CPS1: variants seen among roughly 807,000 people sequenced by gnomAD.
CPS1 encodes the protein carbamoyl-phosphate synthase [ammonia], mitochondrial.
In CPS1, 109 loss-of-function variants were observed where a neutral mutation model predicts 174.6. The ratio of observed to expected loss-of-function variants is 0.62; its 90% CI spans 0.53 to 0.73. The LOEUF (loss-of-function observed/expected upper bound fraction) is 0.73. Among genes scored for constraint, CPS1 ranks in the 30% least tolerant of loss-of-function variants. CPS1 has a pLI of 0.00. For missense variants in CPS1, 1,689 were observed against 1,821.9 expected (o/e 0.93, Z 1.33); for synonymous variants, 637 against 632.0 (o/e 1.01, Z -0.12).
chr2:210,605,382 A>G (rs1698871944), intron 17 of CPS1, 136 bp downstream of exon 17: 4 of 952,566 alleles, frequency 4.2e-6, no homozygotes, highest in African/African-American at 1.6e-5. Flanking sequence ...TTGGACAAGC[A>G]TAGTATTTTA....
upstream of CPS1, among the ~76,000 whole-genome samples, chr2:210,552,651 C>T (rs1696761153): frequency 6.6e-6 from 1 of 151,696 alleles, no homozygotes; most frequent in Non-Finnish European, 1.5e-5. Context: ...CAATCTGTAG[C>T]AGGTCTTCCC....
At chr2:210,555,080 A>C (rs1396439742), upstream of CPS1, among the ~76,000 whole-genome samples, 1 of 152,046 alleles carries the variant, frequency 6.6e-6, no homozygotes, top group Non-Finnish European at 1.5e-5. Context: ...TTTATGGATG[A>C]AGGCTGAACA....
intron 1 of CPS1, among the ~76,000 whole-genome samples, chr2:210,530,601 T>C (rs1242674440): frequency 2.0e-5 from 3 of 152,018 alleles, no homozygotes; most frequent in Non-Finnish European, 4.4e-5. Flanking sequence ...ATTCCTTAGA[T>C]GAAGAAGCTG....
At chr2:210,604,832 T>C in intron 16 of CPS1, 1 of 413,884 alleles carries the variant, frequency 2.4e-6, no homozygotes, top group Non-Finnish European at 4.5e-6. Context: ...AATTATTTTC[T>C]CTTTTTCCTA....
chr2:210,670,254 TAAG>T lies in CPS1; in HGVS notation c.4101+1973_4101+1975del, dbSNP rs779556813. Among the ~76,000 whole-genome samples, 118 of 152,232 alleles carry T rather than the reference TAAG, an allele frequency of 7.8e-4. 1 individual carries two copies. The Middle Eastern group carries it at 0.017, about 22-fold the overall frequency. ...TAAAGGAACTTAATAAAATTATACT[TAAG>T]AAAATATTTACAGCCATGGCAAAAT... On this transcript the variant is annotated intron_variant, in intron 34 of 37. Coordinates refer to ENST00000233072, the MANE Select transcript of CPS1 (RefSeq NM_001875.5).
chr2:210,547,406 A>T (rs1030823785), intron 1 of CPS1, among the ~76,000 whole-genome samples: 1 of 152,082 alleles, frequency 6.6e-6, no homozygotes, highest in East Asian at 1.9e-4. Context: ...TTTGAGTCTG[A>T]TATTTCAGTT....
intron 29 of CPS1, among the ~76,000 whole-genome samples, chr2:210,654,930 A>T (rs1700661429): frequency 6.6e-6 from 1 of 152,202 alleles, no homozygotes; most frequent in Non-Finnish European, 1.5e-5. Flanking sequence ...GAGTTGAAAC[A>T]CCTTTAGAGA....
At chr2:210,666,312 C>CT (rs1175265738) in intron 33 of CPS1, among the ~76,000 whole-genome samples, 1 of 149,658 alleles carries the variant, frequency 6.7e-6, no homozygotes, top group Non-Finnish European at 1.5e-5. Flanking sequence ...TTTTGCTGTG[C>CT]AGAAGCTCTT....
At chr2:210,565,013 TAA>T (rs1427417083) in intron 1 of CPS1, among the ~76,000 whole-genome samples, 1 of 148,438 alleles carries the variant, frequency 6.7e-6, no homozygotes, top group African/African-American at 2.6e-5. Flanking sequence ...TAAATAAAAA[TAA>T]AAATAAATAA....
chr2:210,529,971 G>A lies in CPS1; in HGVS notation c.4-26748G>A, dbSNP rs188058390. ...AGTCTTCTCTTCTTATGCATTTCAC[G>A]TTTCCTGTAGTAAATTATAGTGAAT... is the stretch of plus-strand genomic sequence containing the variant. On this transcript the variant is annotated intron_variant, in intron 1 of 38. Transcript: ENST00000430249. Among the ~76,000 whole-genome samples, 6 of 151,994 alleles carry A rather than the reference G, an allele frequency of 3.9e-5. No individual in the cohort carries two copies. In the South Asian group the frequency reaches 6.2e-4, roughly 16 times the overall value.
intron 1 of CPS1, among the ~76,000 whole-genome samples, chr2:210,487,899 C>T (rs1297423147): frequency 2.0e-5 from 3 of 152,234 alleles, no homozygotes; most frequent in African/African-American, 7.2e-5. Context: ...CAACACAATA[C>T]TAGAGTTTCA....
intron 29 of CPS1, 42 bp downstream of exon 29, chr2:210,654,144 T>C (rs1700639925): frequency 1.3e-6 from 2 of 1,551,028 alleles, no homozygotes; most frequent in Non-Finnish European, 1.8e-6. Flanking sequence ...TGCCTTCTCA[T>C]CATTTTTTTC....
chr2:210,648,788 C>T (rs1336175232), intron 27 of CPS1, among the ~76,000 whole-genome samples: 1 of 152,026 alleles, frequency 6.6e-6, no homozygotes, highest in Non-Finnish European at 1.5e-5. Flanking sequence ...ATCTCCTTAC[C>T]AAACAGAGAG....
chr2:210,486,040 T>A (rs1395312630), intron 1 of CPS1, among the ~76,000 whole-genome samples: 5 of 150,630 alleles, frequency 3.3e-5, no homozygotes, highest in African/African-American at 1.2e-4. Flanking sequence ...CATTTTTTAA[T>A]GCTTATTTGC....
chr2:210,677,270 T>G, intron 37 of CPS1, 134 bp downstream of exon 37: 5 of 912,880 alleles, frequency 5.5e-6, no homozygotes, highest in Non-Finnish European at 8.7e-6. Context: ...TTTTTAATAA[T>G]CTAAAATAAT....
At chr2:210,566,930 G>C (rs1246835748) in intron 1 of CPS1, among the ~76,000 whole-genome samples, 1 of 151,900 alleles carries the variant, frequency 6.6e-6, no homozygotes, top group African/African-American at 2.4e-5. Flanking sequence ...TCATAATTCT[G>C]TTTGAAGTAA....
chr2:210,675,708 T>C lies in CPS1; in HGVS notation c.4162-20T>C, dbSNP rs1212822022. ...GAAATCACTGTGATACGGTAATTGATTTTTTCATTTTAAATGCAGCTGTTT... is the reference window on the plus strand; with the variant it reads ...GAAATCACTGTGATACGGTAATTGACTTTTTCATTTTAAATGCAGCTGTTT... On this transcript the variant is annotated intron_variant, in intron 35 of 37. Transcript: ENST00000233072. The C allele has an allele frequency of 8.2e-7, 1 of 1,218,528 alleles. No individual in the cohort carries two copies. Among genetic ancestry groups the C allele is most frequent in the Admixed American group, 1.7e-5 (1 of 59,498 alleles). The allele number at this position is 1,218,528 out of a possible 1,614,324, so 75.5% of individuals were successfully genotyped here.
chr2:210,553,587 C>G (rs2106030002), upstream of CPS1, among the ~76,000 whole-genome samples: 2 of 152,066 alleles, frequency 1.3e-5, no homozygotes, highest in South Asian at 4.1e-4. Context: ...GGTCCCCAGC[C>G]TGATGTGTGT....
rs1695549952 is a variant in CPS1, at chr2:210,512,895, TATATATATATGGAG to T, written c.3+35154_3+35167del. Among the ~76,000 whole-genome samples, 25 of 86,388 alleles carry T rather than the reference TATATATATATGGAG, an allele frequency of 2.9e-4. 3 individuals carry two copies. Among genetic ancestry groups the T allele is most frequent in the African/African-American group, 6.9e-4 (14 of 20,358 alleles). 56.7% of individuals were successfully genotyped at this position (86,388 alleles called of 152,430 possible). A position where few individuals can be genotyped will look rare whatever the true frequency, so the allele number is the denominator to read the frequency against. Reference sequence around the variant, plus strand: ...ATATATAGAGATATATATATGGAGATATATATATATGGAGATATATATATGGAGATATATATATA... The same window carrying T: ...ATATATAGAGATATATATATGGAGATATATATATATGGAGATATATATATA... On this transcript the variant is annotated intron_variant, in intron 1 of 38. Transcript: ENST00000430249.
Sources: allele counts gnomAD v4.1 joint callset (sites outside exome capture counted in the v4.1 genomes callset), GRCh38; gene constraint gnomAD v4.1.1; transcripts MANE v1.5; gene names NCBI Gene and HGNC (gene_info 2026-07-23, HGNC 2026-07-21).